Variants in INPP5F observed in about 807,000 individuals in gnomAD.
INPP5F encodes the protein inositol polyphosphate-5-phosphatase F.
In INPP5F, 97 loss-of-function variants were observed where a neutral mutation model predicts 137.2. The observed-to-expected ratio is 0.71, with a 90% CI of 0.60 to 0.84. The LOEUF (loss-of-function observed/expected upper bound fraction) is 0.84. INPP5F is among the 40% of genes least tolerant of loss of function. The probability of loss-of-function intolerance (pLI) is 0.00; values close to 1 mark genes in which losing one functional copy is unlikely to be tolerated. For missense variants in INPP5F, 1,271 were observed against 1,371.9 expected (o/e 0.93, Z 1.16); for synonymous variants, 504 against 476.9 (o/e 1.06, Z -0.74).
intron 19 of INPP5F, among the ~76,000 whole-genome samples, chr10:119,825,133 G>T (rs1851709326): frequency 1.3e-5 from 2 of 152,158 alleles, no homozygotes; most frequent in African/African-American, 4.8e-5. Flanking sequence ...CTGGCACACA[G>T]CTATTAAACT....
intron 1 of INPP5F, among the ~76,000 whole-genome samples, chr10:119,735,835 T>C (rs1168401079): frequency 6.6e-6 from 1 of 152,176 alleles, no homozygotes; most frequent in Non-Finnish European, 1.5e-5. Flanking sequence ...TTACATCGCC[T>C]AAAATTCTGT....
Position 119,785,286 on chromosome 10 carries a change from G to GTTGTTTTTTTTTTTTTTTTTTTTT in INPP5F, c.315+3517_315+3518insGTTTTTTTTTTTTTTTTTTTTTTT, listed in dbSNP as rs770290302. ...TAACCTTTTGTGGAACTGCCAGACTGTTTTTTTTTTTTTTTTGGAGACGGA... is the reference window on the plus strand; with the variant it reads ...TAACCTTTTGTGGAACTGCCAGACTGTTGTTTTTTTTTTTTTTTTTTTTTTTTTTTTTTTTTTTTTGGAGACGGA... On this transcript the variant is annotated intron_variant, in intron 3 of 19. Coordinates refer to ENST00000650623, the MANE Select transcript of INPP5F (RefSeq NM_014937.4). Among the ~76,000 whole-genome samples, 7 of 106,228 alleles carry GTTGTTTTTTTTTTTTTTTTTTTTT rather than the reference G, an allele frequency of 6.6e-5. 1 individual carries two copies. The highest frequency in any genetic ancestry group is 2.6e-4 in the African/African-American group (7 of 26,770). 69.7% of individuals were successfully genotyped at this position (106,228 alleles called of 152,430 possible). A position where few individuals can be genotyped will look rare whatever the true frequency, so the allele number is the denominator to read the frequency against.
chr10:119,782,975 C>T (rs2134184041), intron 3 of INPP5F, among the ~76,000 whole-genome samples: 1 of 152,226 alleles, frequency 6.6e-6, no homozygotes, highest in African/African-American at 2.4e-5. Context: ...GGAAGTTTGA[C>T]AATTGAATTT....
Position 119,791,618 on chromosome 10 carries a change from C to T in INPP5F, c.417C>T (p.Ser139=). 3 of 1,603,740 alleles carry T rather than the reference C, an allele frequency of 1.9e-6. No homozygotes were observed. The highest frequency in any genetic ancestry group is 2.6e-6 in the Non-Finnish European group (3 of 1,171,428). Residue 139 remains serine (S), a synonymous_variant, in exon 4 of 20, where the codon TCC becomes TCT. Coordinates refer to ENST00000650623, the MANE Select transcript of INPP5F (RefSeq NM_014937.4). The part of the protein sequence containing the change: ...FLLKTFTHIK[S]NVSAPNKKKV... ...TGAAGACCTTTACGCATATTAAATCCAATGTGTCTGCTCCTAATAAAAAGA... is the reference window on the plus strand; with the variant it reads ...TGAAGACCTTTACGCATATTAAATCTAATGTGTCTGCTCCTAATAAAAAGA...
At chr10:119,744,582 C>T (rs950937305) in intron 1 of INPP5F, among the ~76,000 whole-genome samples, 2 of 152,056 alleles carry the variant, frequency 1.3e-5, no homozygotes, top group African/African-American at 2.4e-5. Flanking sequence ...GATGGAGTCT[C>T]GCTCTGTCCC....
rs762024621 is a variant in INPP5F, at chr10:119,811,875, C to G, written c.1806C>G (p.Leu602=). The change falls in exon 15 of 20, where the codon CTC becomes CTG. Residue 602 remains leucine (L), a synonymous_variant. Transcript: ENST00000650623. Reference sequence around the variant, plus strand: ...GCCACCAGGAACTAATTAGCCAGCTCTTACAAAGTTACATGAAGTTACTAC... The same window carrying G: ...GCCACCAGGAACTAATTAGCCAGCTGTTACAAAGTTACATGAAGTTACTAC... ...QRSHQELISQ[L]LQSYMKLLLP... 8.2e-5 allele frequency: 133 copies of G among 1,614,058 alleles called. 1 individual carries two copies. The highest frequency in any genetic ancestry group is 8.5e-7 in the Non-Finnish European group (1 of 1,180,018).
At chr10:119,817,641 G>A (rs922620309) in intron 15 of INPP5F, among the ~76,000 whole-genome samples, 5 of 151,982 alleles carry the variant, frequency 3.3e-5, no homozygotes, top group African/African-American at 1.2e-4. Context: ...CTGTGTCTTA[G>A]TTGGAAAAAC....
At chr10:119,785,218 T>A (rs1266498488) in intron 3 of INPP5F, among the ~76,000 whole-genome samples, 6 of 151,710 alleles carry the variant, frequency 4.0e-5, no homozygotes, top group Non-Finnish European at 8.8e-5. Flanking sequence ...CTCTTGGGTG[T>A]GTACCTAGCA....
At chr10:119,766,922 T>C (rs1849182654) in intron 2 of INPP5F, among the ~76,000 whole-genome samples, 1 of 151,730 alleles carries the variant, frequency 6.6e-6, no homozygotes, top group African/African-American at 2.4e-5. Context: ...TGGTCCAACA[T>C]GGTAAAACAC....
chr10:119,756,371 C>CA (rs1848842428), intron 2 of INPP5F, among the ~76,000 whole-genome samples: 1 of 152,096 alleles, frequency 6.6e-6, no homozygotes, highest in Admixed American at 6.5e-5. Context: ...CATGGTGACT[C>CA]ACGCCTGTAA....
At chr10:119,785,231 G>A (rs1226123761) in intron 3 of INPP5F, among the ~76,000 whole-genome samples, 4 of 149,908 alleles carry the variant, frequency 2.7e-5, no homozygotes, top group South Asian at 4.3e-4. Context: ...ACCTAGCAAT[G>A]GAATTGCTGG....
In INPP5F at chr10:119,826,966, A is replaced by C; in HGVS notation, c.2585A>C (p.Glu862Ala). The C allele has an allele frequency of 6.2e-7, 1 of 1,614,126 alleles. No homozygotes were observed. The highest frequency in any genetic ancestry group is 8.5e-7 in the Non-Finnish European group (1 of 1,179,962). ...GATAATGACTCATACCACTCTGATG[A>C]ATTCCTTACAAATTCTAAGTCTGAT... ...SSDNDSYHSDEFLTNSKSDED... is the reference protein window; with the variant it reads ...SSDNDSYHSDAFLTNSKSDED... Residue 862 changes from glutamate (E) to alanine (A), a missense_variant, in exon 20 of 20, where the codon GAA (glutamate) becomes GCA (alanine). By Grantham distance (107) the Glu-to-Ala change is moderately radical (BLOSUM62 -1). Transcript: ENST00000650623.
chr10:119,791,848 T>C (rs761857103), intron 4 of INPP5F, 21 bp from the exon 5 acceptor site: 108 of 1,539,604 alleles, frequency 7.0e-5, no homozygotes, highest in Non-Finnish European at 9.5e-5. Flanking sequence ...TCTGTAGTAA[T>C]AGTAGATTAA....
intron 1 of INPP5F, among the ~76,000 whole-genome samples, chr10:119,731,492 C>T (rs1360737243): frequency 3.9e-5 from 6 of 152,060 alleles, no homozygotes; most frequent in Non-Finnish European, 5.9e-5. Flanking sequence ...GGTAAAACCC[C>T]GTCTCTACTG....
At position 119,806,451 on chromosome 10, in the gene INPP5F, G is replaced by T; in HGVS notation, c.1411G>T (p.Ala471Ser). The T allele has an allele frequency of 6.2e-7, 1 of 1,608,284 alleles. No homozygotes were observed. Residue 471 changes from alanine (A) to serine (S), a missense_variant, in exon 12 of 20, where the codon GCC (alanine) becomes TCC (serine). Transcript: ENST00000650623. ...GGATCGCACCAACGTGGTCCAAGCT[G>T]CCATCGCGAGAGTGGTCATGGAACA... ...CLDRTNVVQA[A>S]IARVVMEQQL...
Position 119,797,602 on chromosome 10 carries a change from T to A in INPP5F, c.1010T>A (p.Val337Asp), listed in dbSNP as rs200570825. 2 of 1,613,304 alleles carry A rather than the reference T, an allele frequency of 1.2e-6. No homozygotes were observed. The highest frequency in any genetic ancestry group is 1.7e-6 in the Non-Finnish European group (2 of 1,179,660). The stretch of plus-strand genomic sequence containing the variant: ...TCTGTGCCTGTCTTTTGGAGCCAGG[T>A]TGGGTATCGATATAACCCAAGACCG... The part of the protein sequence containing the change: ...RGSVPVFWSQ[V>D]GYRYNPRPRL... Residue 337 changes from valine (V) to aspartate (D), a missense_variant, in exon 8 of 20, where the codon GTT becomes GAT. By Grantham distance (152) the Val-to-Asp change is radical. Around this residue, in one of 6 missense-constraint regions of INPP5F, gnomAD observed 593 missense variants for 712.4 expected, o/e 0.83. Transcript: ENST00000650623.
At position 119,787,534 on chromosome 10, in the gene INPP5F, C is replaced by T. The variant is rs544236520; in HGVS notation, c.316-3983C>T. Among the ~76,000 whole-genome samples, 4 of 151,448 alleles carry T rather than the reference C, an allele frequency of 2.6e-5. No homozygotes were observed. Among genetic ancestry groups the T allele is most frequent in the Admixed American group, 1.3e-4 (2 of 15,210 alleles). ...CGGAGGTTGCAGCAAGCTGAGATCGCGCCATTGCACTCTAGCTTGGGTGAC... is the reference window on the plus strand; with the variant it reads ...CGGAGGTTGCAGCAAGCTGAGATCGTGCCATTGCACTCTAGCTTGGGTGAC... On this transcript the variant is annotated intron_variant, in intron 3 of 19. Coordinates refer to ENST00000650623, the MANE Select transcript of INPP5F (RefSeq NM_014937.4). This position sits in a 1 kb window ranked among gnomAD's most constrained non-coding sequence, Gnocchi z 4.1.
At position 119,828,054 on chromosome 10, in the gene INPP5F, A is replaced by G; in HGVS notation, c.*274A>G. The G allele has an allele frequency of 3.3e-6, 1 of 299,322 alleles. No homozygotes were observed. Among genetic ancestry groups the G allele is most frequent in the South Asian group, 4.5e-5 (1 of 22,446 alleles). The allele number at this position is 299,322 out of a possible 1,614,324, so 18.5% of individuals were successfully genotyped here. ...ATTCAGCAACAGGTCACTTTGGGAT[A>G]TAACCTGAACCTTTTTTTGGAGTGG... On this transcript the variant is annotated 3_prime_UTR_variant, in exon 20 of 20. Transcript: ENST00000650623.
chr10:119,798,308 T>C (rs1408480300), intron 8 of INPP5F, among the ~76,000 whole-genome samples: 1 of 152,182 alleles, frequency 6.6e-6, no homozygotes, highest in Non-Finnish European at 1.5e-5. Flanking sequence ...AGGCTAGATA[T>C]ATAAATAATC....
Sources: allele counts gnomAD v4.1 joint callset (sites outside exome capture counted in the v4.1 genomes callset), GRCh38; gene constraint gnomAD v4.1.1; regional missense constraint gnomAD v4.1.1; non-coding constraint Gnocchi (gnomAD v3.1); transcripts MANE v1.5; gene names NCBI Gene and HGNC (gene_info 2026-07-23, HGNC 2026-07-21).